Variants in LRIT2 observed in about 807,000 individuals in gnomAD.
The protein encoded by LRIT2 is leucine rich repeat, Ig-like and transmembrane domains 2, also known as leucine-rich repeat, immunoglobulin-like domain and transmembrane domain-containing protein 2.
Under a neutral mutation model 22.4 loss-of-function variants are expected in LRIT2, and 23 were observed. The ratio of observed to expected loss-of-function variants is 1.03; its 90% CI spans 0.74 to 1.45. LRIT2 has a LOEUF of 1.45. Ranked by LOEUF, LRIT2 falls within the 40% of genes most tolerant of loss-of-function variation. The pLI, the probability that LRIT2 is intolerant of heterozygous loss-of-function variation, is 0.00. For synonymous variants in LRIT2, 291 were observed against 267.1 expected, an observed-to-expected ratio of 1.09 and a Z score of -0.87; for missense variants, 784 against 665.6, an observed-to-expected ratio of 1.18 and a Z score of -1.96.
At chr10:84,223,990 G>T (rs1842536138) in intron 2 of LRIT2, among the ~76,000 whole-genome samples, 1 of 152,168 alleles carries the variant, frequency 6.6e-6, no homozygotes, top group African/African-American at 2.4e-5. Context: ...AAAATACATA[G>T]TCCAGTGTTT....
rs922894929 is a variant in LRIT2 at position 84,221,955 on chromosome 10, C to T, written c.1618G>A (p.Asp540Asn). 2 of 1,539,140 alleles carry T rather than the reference C, an allele frequency of 1.3e-6. No homozygotes were observed. Among genetic ancestry groups the T allele is most frequent in the Middle Eastern group, 1.8e-4 (1 of 5,692 alleles). Residue 540 changes from aspartate (D) to asparagine (N), a missense_variant, in exon 3 of 3, where the codon GAC becomes AAC. Physicochemically the swap from Asp to Asn is conservative, Grantham distance 23. Coordinates refer to ENST00000372113, the MANE Select transcript of LRIT2 (RefSeq NM_001017924.5). The part of the protein sequence containing the change: ...DGEGHIDTEG[D>N]KEKGGTEDNS ...TCTTCCGTTCCTCCTTTCTCCTTGT[C>T]CCCCTCAGTGTCTATGTGCCCTTCA...
Position 84,222,551 on chromosome 10 carries a change from G to A in LRIT2, c.1022C>T (p.Ser341Phe), listed in dbSNP as rs1842522099. The part of the protein sequence containing the change: ...NSIGKSNLVI[S>F]LHVQPAQALH... ...GGCCTGGGCAGGCTGGACATGGAGA[G>A]AGATTACAAGGTTGCTCTTGCCAAT... The change falls in exon 3 of 3, where the codon TCT becomes TTT. Residue 341 changes from serine (S) to phenylalanine (F), a missense_variant. Transcript: ENST00000372113. The A allele has an allele frequency of 1.2e-6, 2 of 1,614,056 alleles. No individual in the cohort carries two copies. Among genetic ancestry groups the A allele is most frequent in the Non-Finnish European group, 1.7e-6 (2 of 1,180,028 alleles).
At chr10:84,225,335 C>A in intron 1 of LRIT2, 76 bp downstream of exon 1, 1 of 1,506,154 alleles carries the variant, frequency 6.6e-7, no homozygotes. Context: ...CAATTCTAAG[C>A]CTGCTTCCAC....
Position 84,224,982 on chromosome 10 carries a change from C to G in LRIT2, c.243G>C (p.Leu81Phe). 6.2e-7 allele frequency: 1 copy of G among 1,614,048 alleles called. No homozygotes were observed. The highest frequency in any genetic ancestry group is 8.5e-7 in the Non-Finnish European group (1 of 1,180,012). ...PQGSFINMST[L>F]EYLWLNFNNI... is the part of the protein sequence containing the mutation. ...TGTTAAAATTGAGCCAGAGGTATTC[C>G]AAGGTGCTCATGTTGATGAAAGACC... is the stretch of plus-strand genomic sequence containing the variant. Residue 81 changes from leucine (L) to phenylalanine (F), a missense_variant, in exon 2 of 3, where the codon TTG becomes TTC. Physicochemically the swap from Leu to Phe is conservative, Grantham distance 22. Transcript: ENST00000372113.
chr10:84,223,738 A>T (rs1375565828), intron 2 of LRIT2, among the ~76,000 whole-genome samples: 1 of 152,196 alleles, frequency 6.6e-6, no homozygotes, highest in Non-Finnish European at 1.5e-5. Context: ...CAGCTGAGGT[A>T]TGAAAACAGA....
In LRIT2 at chr10:84,222,084, G is replaced by C. The variant is rs1174489831; in HGVS notation, c.1489C>G (p.Leu497Val). The C allele has an allele frequency of 1.2e-6, 2 of 1,609,918 alleles. No individual in the cohort carries two copies. Among genetic ancestry groups the C allele is most frequent in the Admixed American group, 3.3e-5 (2 of 59,874 alleles). ...QGPCSCSKWV[L>V]RGCLHRRKAP... ...TTCCTGCGATGAAGACAGCCGCGCA[G>C]GACCCACTTGCTGCAGCTGCAGGGG... is the stretch of plus-strand genomic sequence containing the variant. Residue 497 changes from leucine (L) to valine (V), a missense_variant, in exon 3 of 3, where the codon CTG becomes GTG. Physicochemically the swap from Leu to Val is conservative, Grantham distance 32 (BLOSUM62 1). Coordinates refer to ENST00000372113, the MANE Select transcript of LRIT2 (RefSeq NM_001017924.5).
rs368104376 is a variant in LRIT2 at position 84,225,088 on chromosome 10, A to G, written c.137T>C (p.Leu46Ser). 6.2e-7 allele frequency: 1 copy of G among 1,613,636 alleles called. No individual in the cohort carries two copies. Among genetic ancestry groups the G allele is most frequent in the Admixed American group, 1.7e-5 (1 of 60,004 alleles). Reference sequence around the variant, plus strand: ...AGAAAGGTTCCCAGGGATCTTTCCCAAGGAGACAGATGTGCACTGCAGAGT... The same window carrying G: ...AGAAAGGTTCCCAGGGATCTTTCCCGAGGAGACAGATGTGCACTGCAGAGT... Reference protein sequence around the residue: ...GRTLQCTSVSLGKIPGNLSEE... With the variant: ...GRTLQCTSVSSGKIPGNLSEE... The change falls in exon 2 of 3, where the codon TTG (leucine) becomes TCG (serine). Residue 46 changes from leucine (L) to serine (S), a missense_variant. Transcript: ENST00000372113.
chr10:84,222,382 G>A lies in LRIT2; in HGVS notation c.1191C>T (p.Tyr397=), dbSNP rs538696643. The A allele has an allele frequency of 6.2e-7, 1 of 1,614,046 alleles. No individual in the cohort carries two copies. Among genetic ancestry groups the A allele is most frequent in the Non-Finnish European group, 8.5e-7 (1 of 1,180,056 alleles). The change falls in exon 3 of 3, where the codon TAC becomes TAT. Residue 397 remains tyrosine (Y), a synonymous_variant. Transcript: ENST00000372113. ...TCCTGAAGGCTTCATCCGATGCAATGTAGAGGGTGAACCACTCCTCCTTAG... is the reference window on the plus strand; with the variant it reads ...TCCTGAAGGCTTCATCCGATGCAATATAGAGGGTGAACCACTCCTCCTTAG... The part of the protein sequence containing the change: ...DTSKEEWFTL[Y]IASDEAFRKE...
chr10:84,224,744 T>G lies in LRIT2; in HGVS notation c.481A>C (p.Asn161His). 6.2e-7 allele frequency: 1 copy of G among 1,614,106 alleles called. No individual in the cohort carries two copies. The highest frequency in any genetic ancestry group is 8.5e-7 in the Non-Finnish European group (1 of 1,180,016). ...VSLTYLDLSS[N>H]RLTVVSKSVF... ...CTCTTGGATACAACTGTAAGCCTAT[T>G]GGAGGATAGGTCAAGGTAGGTCAGG... The change falls in exon 2 of 3, where the codon AAT becomes CAT. Residue 161 changes from asparagine to histidine, a missense_variant. Coordinates refer to ENST00000372113, the MANE Select transcript of LRIT2 (RefSeq NM_001017924.5).
At chr10:84,222,830 G>GACACCAGGTACGA in intron 2 of LRIT2, 150 bp from the exon 3 acceptor site, 1 of 850,946 alleles carries the variant, frequency 1.2e-6, no homozygotes, top group Non-Finnish European at 1.9e-6. Context: ...CCTCGTACCT[G>GACACCAGGTACGA]GTGTCAGGTG....
rs1842544505 is a variant in LRIT2 at position 84,224,652 on chromosome 10, G to A, written c.573C>T (p.Ser191=). 63 of 1,614,064 alleles carry A rather than the reference G, an allele frequency of 3.9e-5. No individual in the cohort carries two copies. Among genetic ancestry groups the A allele is most frequent in the Non-Finnish European group, 5.3e-5 (62 of 1,180,026 alleles). The change falls in exon 2 of 3, where the codon TCC becomes TCT. Residue 191 remains serine, a synonymous_variant. Transcript: ENST00000372113. ...TGTCATGCAGGGCCACCACCAGGCT[G>A]GAGAGAATCTCAGCCCCACAGTCAG... ...RQPDCGAEIL[S]SLVVALHDNP...
In LRIT2 at chr10:84,224,956, T is replaced by C. The variant is rs747578920; in HGVS notation, c.269A>G (p.Asn90Ser). The C allele has an allele frequency of 3.1e-6, 5 of 1,614,138 alleles. No homozygotes were observed. The highest frequency in any genetic ancestry group is 4.2e-6 in the Non-Finnish European group (5 of 1,180,026). ...GGCTCCTAGGTGGATCACACTGATA[T>C]TGTTAAAATTGAGCCAGAGGTATTC... ...TLEYLWLNFN[N>S]ISVIHLGALE... The change falls in exon 2 of 3, where the codon AAT (asparagine) becomes AGT (serine). Residue 90 changes from asparagine to serine, a missense_variant. Physicochemically the swap from Asn to Ser is conservative, Grantham distance 46 (BLOSUM62 1). Coordinates refer to ENST00000372113, the MANE Select transcript of LRIT2 (RefSeq NM_001017924.5).
In LRIT2 at chr10:84,221,942, C is replaced by T; in HGVS notation, c.1631G>A (p.Gly544Glu). Residue 544 changes from glycine (G) to glutamate (E), a missense_variant, in exon 3 of 3, where the codon GGA (glycine) becomes GAA (glutamate). By Grantham distance (98) the Gly-to-Glu change is moderately conservative. Transcript: ENST00000372113. ...HIDTEGDKEK[G>E]GTEDNS ...TGTTCAGCTGTTGTCTTCCGTTCCTCCTTTCTCCTTGTCCCCCTCAGTGTC... is the reference window on the plus strand; with the variant it reads ...TGTTCAGCTGTTGTCTTCCGTTCCTTCTTTCTCCTTGTCCCCCTCAGTGTC... 1 of 1,531,180 alleles carries T rather than the reference C, an allele frequency of 6.5e-7. No homozygotes were observed. Among genetic ancestry groups the T allele is most frequent in the Non-Finnish European group, 8.8e-7 (1 of 1,137,876 alleles). 94.8% of individuals were successfully genotyped at this position (1,531,180 alleles called of 1,614,324 possible).
chr10:84,225,182 C>T (rs1589318102), intron 1 of LRIT2, 68 bp from the exon 2 acceptor site: 2 of 1,394,346 alleles, frequency 1.4e-6, no homozygotes, highest in East Asian at 2.3e-5. Flanking sequence ...CAGGCTGATC[C>T]TGGCATTAGA....
chr10:84,222,195 G>C lies in LRIT2; in HGVS notation c.1378C>G (p.Arg460Gly), dbSNP rs781664775. Residue 460 changes from arginine (R) to glycine (G), a missense_variant, in exon 3 of 3, where the codon CGT becomes GGT. Arg to Gly is a moderately radical substitution (Grantham distance 125, BLOSUM62 -2). Transcript: ENST00000372113. The part of the protein sequence containing the change: ...TGRDAGGLEA[R>G]EHLLHVTVVL... The stretch of plus-strand genomic sequence containing the variant: ...ACTGTGACATGCAGGAGGTGCTCAC[G>C]TGCCTCTAGCCCACCAGCATCTCTG... 5.0e-6 allele frequency: 8 copies of C among 1,614,172 alleles called. No individual in the cohort carries two copies. Among genetic ancestry groups the C allele is most frequent in the South Asian group, 1.1e-5 (1 of 91,090 alleles).
At position 84,222,575 on chromosome 10, in the gene LRIT2, A is replaced by G. The variant is rs756027231; in HGVS notation, c.998T>C (p.Ile333Thr). Reference protein sequence around the residue: ...GNYTCMASNSIGKSNLVISLH... With the variant: ...GNYTCMASNSTGKSNLVISLH... ...AGAGATTACAAGGTTGCTCTTGCCA[A>G]TGGAGTTGGAGGCCATGCAGGTGTA... The change falls in exon 3 of 3, where the codon ATT becomes ACT. Residue 333 changes from isoleucine to threonine, a missense_variant. Transcript: ENST00000372113. 6.2e-7 allele frequency: 1 copy of G among 1,614,046 alleles called. No individual in the cohort carries two copies. The highest frequency in any genetic ancestry group is 8.5e-7 in the Non-Finnish European group (1 of 1,180,004).
chr10:84,224,666 C>T lies in LRIT2; in HGVS notation c.559G>A (p.Ala187Thr). The change falls in exon 2 of 3, where the codon GCT becomes ACT. Residue 187 changes from alanine (A) to threonine (T), a missense_variant. Ala to Thr is a moderately conservative substitution (Grantham distance 58). Transcript: ENST00000372113. ...YQKCRQPDCGAEILSSLVVAL... is the reference protein window; with the variant it reads ...YQKCRQPDCGTEILSSLVVAL... The stretch of plus-strand genomic sequence containing the variant: ...ACCACCAGGCTGGAGAGAATCTCAG[C>T]CCCACAGTCAGGCTGCCGGCATTTC... The T allele has an allele frequency of 6.2e-7, 1 of 1,614,166 alleles. No individual in the cohort carries two copies. Among genetic ancestry groups the T allele is most frequent in the South Asian group, 1.1e-5 (1 of 91,074 alleles).
At position 84,220,692 on chromosome 10, in the gene LRIT2, A is replaced by G. The variant is rs941482683; in HGVS notation, c.*1228T>C. 1 of 152,174 alleles carries G rather than the reference A, an allele frequency of 6.6e-6. No homozygotes were observed. The highest frequency in any genetic ancestry group is 2.4e-5 in the African/African-American group (1 of 41,436). The allele number at this position is 152,174 out of a possible 1,614,324, so 9.4% of individuals were successfully genotyped here. On this transcript the variant is annotated 3_prime_UTR_variant, in exon 3 of 3. Coordinates refer to ENST00000372113, the MANE Select transcript of LRIT2 (RefSeq NM_001017924.5). ...TGAGGAAGGTCAGTCTTTGCCTGCA[A>G]ATGTCTCACAACCAATGGACACAAT...
chr10:84,220,690 C>A lies in LRIT2; in HGVS notation c.*1230G>T, dbSNP rs1372645155. On this transcript the variant is annotated 3_prime_UTR_variant, in exon 3 of 3. Transcript: ENST00000372113. ...CGTGAGGAAGGTCAGTCTTTGCCTG[C>A]AAATGTCTCACAACCAATGGACACA... is the stretch of plus-strand genomic sequence containing the variant. The A allele has an allele frequency of 6.6e-6, 1 of 152,162 alleles. No homozygotes were observed. The highest frequency in any genetic ancestry group is 1.5e-5 in the Non-Finnish European group (1 of 68,040). 9.4% of individuals were successfully genotyped at this position (152,162 alleles called of 1,614,324 possible). A position where few individuals can be genotyped will look rare whatever the true frequency, so the allele number is the denominator to read the frequency against.
Sources: allele counts gnomAD v4.1 joint callset (sites outside exome capture counted in the v4.1 genomes callset), GRCh38; gene constraint gnomAD v4.1.1; transcripts MANE v1.5; gene names NCBI Gene and HGNC (gene_info 2026-07-23, HGNC 2026-07-21).